CDYL2: variants seen among roughly 807,000 people sequenced by gnomAD.
The protein encoded by CDYL2 is chromodomain Y like 2.
In CDYL2, 23 loss-of-function variants were observed where a neutral mutation model predicts 49.4. The ratio of observed to expected loss-of-function variants is 0.47; its 90% CI spans 0.34 to 0.66. CDYL2 has a LOEUF of 0.66. Among genes scored for constraint, CDYL2 ranks in the 30% least tolerant of loss-of-function variants. CDYL2 has a pLI of 0.01. For synonymous variants in CDYL2, 360 were observed against 268.8 expected (o/e 1.34, Z -3.32); for missense variants, 678 against 656.4 (o/e 1.03, Z -0.36).
At chr16:80,714,642 C>T (rs539761841) in intron 1 of CDYL2, among the ~76,000 whole-genome samples, 5 of 152,230 alleles carry the variant, frequency 3.3e-5, no homozygotes, top group Non-Finnish European at 7.4e-5. Context: ...ACCCTATCCC[C>T]GACCCTAACT....
intron 2 of CDYL2, among the ~76,000 whole-genome samples, chr16:80,684,127 G>T (rs958669289): frequency 5.3e-5 from 8 of 152,298 alleles, no homozygotes; most frequent in Admixed American, 1.3e-4. Context: ...CTGGGGGCAT[G>T]ATGAGGCTGC....
At chr16:80,669,044 A>T (rs545268205) in intron 2 of CDYL2, among the ~76,000 whole-genome samples, 3 of 152,160 alleles carry the variant, frequency 2.0e-5, no homozygotes, top group African/African-American at 7.2e-5. Context: ...AAGTAAAGAA[A>T]AAAAGAAGAA....
At chr16:80,632,616 T>C (rs1907616022) in intron 3 of CDYL2, 1 of 212,860 alleles carries the variant, frequency 4.7e-6, no homozygotes, top group Non-Finnish European at 9.7e-6. Flanking sequence ...AACATATATA[T>C]GTATTATAAA....
At chr16:80,639,979 G>A (rs1908010248) in intron 2 of CDYL2, among the ~76,000 whole-genome samples, 1 of 152,190 alleles carries the variant, frequency 6.6e-6, no homozygotes, top group Non-Finnish European at 1.5e-5. Flanking sequence ...GTTCCTGCAA[G>A]TCTTGCCACA....
At chr16:80,682,601 C>T (rs527678966) in intron 2 of CDYL2, among the ~76,000 whole-genome samples, 7 of 152,328 alleles carry the variant, frequency 4.6e-5, no homozygotes, top group African/African-American at 1.4e-4. Flanking sequence ...AATCTTCCTC[C>T]CTCATGCTTT....
At chr16:80,617,113 C>G (rs886735885) in intron 4 of CDYL2, among the ~76,000 whole-genome samples, 1 of 152,254 alleles carries the variant, frequency 6.6e-6, no homozygotes, top group Non-Finnish European at 1.5e-5. Flanking sequence ...TGGAGAGAGC[C>G]TTCTGAACAA....
chr16:80,610,320 C>T (rs1906539108), intron 5 of CDYL2, among the ~76,000 whole-genome samples: 1 of 152,182 alleles, frequency 6.6e-6, no homozygotes, highest in Non-Finnish European at 1.5e-5. Flanking sequence ...GCAACAGCCA[C>T]AGTCCTGAGA....
intron 2 of CDYL2, among the ~76,000 whole-genome samples, chr16:80,665,005 T>A (rs373637164): frequency 3.5e-4 from 54 of 152,198 alleles, no homozygotes; most frequent in African/African-American, 1.3e-3. Flanking sequence ...AACTCTGTCT[T>A]GCCTTACTCA....
At chr16:80,729,727 A>G (rs1225241607) in intron 1 of CDYL2, among the ~76,000 whole-genome samples, 4 of 152,242 alleles carry the variant, frequency 2.6e-5, no homozygotes, top group Non-Finnish European at 4.4e-5. Flanking sequence ...CAAATATAAA[A>G]GAACAGAAAT....
At chr16:80,789,618 A>T (rs1039103099) in intron 1 of CDYL2, among the ~76,000 whole-genome samples, 7 of 152,072 alleles carry the variant, frequency 4.6e-5, no homozygotes, top group African/African-American at 1.7e-4. Flanking sequence ...AGACACCTGC[A>T]CTTCTATGTT....
intron 1 of CDYL2, among the ~76,000 whole-genome samples, chr16:80,700,067 G>C (rs1904293033): frequency 6.6e-6 from 1 of 152,092 alleles, no homozygotes; most frequent in African/African-American, 2.4e-5. Flanking sequence ...CACCATGTTA[G>C]CCAGGATGGT....
At chr16:80,690,186 G>A (rs1291781731) in intron 1 of CDYL2, among the ~76,000 whole-genome samples, 2 of 152,012 alleles carry the variant, frequency 1.3e-5, no homozygotes, top group South Asian at 4.2e-4. Flanking sequence ...ATGGCAAAGA[G>A]GAAGGTGCTG....
chr16:80,723,177 G>A lies in CDYL2; in HGVS notation c.25-38048C>T, dbSNP rs539430977. Among the ~76,000 whole-genome samples, 13 of 152,312 alleles carry A rather than the reference G, an allele frequency of 8.5e-5. No individual in the cohort carries two copies. In the East Asian group the frequency reaches 1.9e-3, roughly 23 times the overall value. On this transcript the variant is annotated intron_variant, in intron 1 of 6. Coordinates refer to ENST00000570137, the MANE Select transcript of CDYL2 (RefSeq NM_152342.4). Reference sequence around the variant, plus strand: ...GTCTATAGGCCCAGGAATTCCTGGAGAGAGGAAAAGCCGCCCCAAGAAGCC... The same window carrying A: ...GTCTATAGGCCCAGGAATTCCTGGAAAGAGGAAAAGCCGCCCCAAGAAGCC...
intron 4 of CDYL2, among the ~76,000 whole-genome samples, chr16:80,619,837 C>T (rs1392059765): frequency 1.3e-5 from 2 of 152,186 alleles, no homozygotes; most frequent in Non-Finnish European, 2.9e-5. Flanking sequence ...AGCATCCTAG[C>T]ATCACCTCTT....
chr16:80,659,082 TGGATGG>T (rs1908930738), intron 2 of CDYL2, among the ~76,000 whole-genome samples: 1 of 150,718 alleles, frequency 6.6e-6, no homozygotes, highest in Non-Finnish European at 1.5e-5. Context: ...GATGGATGGA[TGGATGG>T]ATGGATGGAT....
At position 80,633,099 on chromosome 16, in the gene CDYL2, T is replaced by A; in HGVS notation, c.754A>T (p.Ile252Phe). 6.2e-7 allele frequency: 1 copy of A among 1,614,190 alleles called. No individual in the cohort carries two copies. The highest frequency in any genetic ancestry group is 2.2e-5 in the East Asian group (1 of 44,890). The change falls in exon 3 of 7, where the codon ATC becomes TTC. Residue 252 changes from isoleucine (I) to phenylalanine (F), a missense_variant. Ile to Phe is a conservative substitution (Grantham distance 21, BLOSUM62 0). Around this residue, in one of 3 missense-constraint regions of CDYL2, gnomAD observed 478 missense variants for 427.0 expected, o/e 1.12. Transcript: ENST00000570137. The stretch of plus-strand genomic sequence containing the variant: ...AACCCTTCTTCCTTCCGCACAACGA[T>A]GTCTCGAAACCGACAGTTGCTTTCA... ...QNESNCRFRD[I>F]VVRKEEGFTH...
At chr16:80,664,528 G>A (rs1416356493) in intron 2 of CDYL2, among the ~76,000 whole-genome samples, 1 of 152,112 alleles carries the variant, frequency 6.6e-6, no homozygotes, top group Middle Eastern at 3.2e-3. Flanking sequence ...AGACACGGCT[G>A]GTCATCTCTA....
Position 80,642,425 on chromosome 16 carries a change from G to A in CDYL2, c.617-9189C>T, listed in dbSNP as rs117369006. Among the ~76,000 whole-genome samples the A allele has an allele frequency of 7.2e-5, 11 of 152,218 alleles. No individual in the cohort carries two copies. In the East Asian group the frequency reaches 1.5e-3, roughly 21 times the overall value. On this transcript the variant is annotated intron_variant, in intron 2 of 6. Coordinates refer to ENST00000570137, the MANE Select transcript of CDYL2 (RefSeq NM_152342.4). Reference sequence around the variant, plus strand: ...CCACTGCAGTCTAGCCTGGGTTAACGGAGCGAGACTCCATCTAAAAAAAAT... The same window carrying A: ...CCACTGCAGTCTAGCCTGGGTTAACAGAGCGAGACTCCATCTAAAAAAAAT...
chr16:80,764,701 A>G (rs1252826813), intron 1 of CDYL2, among the ~76,000 whole-genome samples: 1 of 152,094 alleles, frequency 6.6e-6, no homozygotes, highest in Non-Finnish European at 1.5e-5. Context: ...GTGGGAAAAG[A>G]AGTTAAGAAA....
Sources: allele counts gnomAD v4.1 joint callset (sites outside exome capture counted in the v4.1 genomes callset), GRCh38; gene constraint gnomAD v4.1.1; regional missense constraint gnomAD v4.1.1; transcripts MANE v1.5; gene names NCBI Gene and HGNC (gene_info 2026-07-23, HGNC 2026-07-21).